Variants in TMOD2 observed in about 807,000 individuals in gnomAD.
TMOD2 encodes the protein tropomodulin 2, also known as tropomodulin-2.
In TMOD2, 22 loss-of-function variants were observed where a neutral mutation model predicts 39.9. The observed-to-expected ratio is 0.55, with a 90% CI of 0.39 to 0.79. The LOEUF is 0.79. Ranked by LOEUF, TMOD2 falls within the 30% of genes least tolerant of loss-of-function variation. TMOD2 has a pLI of 0.00. For missense variants in TMOD2, 386 were observed against 413.3 expected (o/e 0.93, Z 0.57); for synonymous variants, 123 against 146.1 (o/e 0.84, Z 1.14).
intron 7 of TMOD2, among the ~76,000 whole-genome samples, chr15:51,787,658 G>T (rs1002246802): frequency 6.6e-6 from 1 of 152,206 alleles, no homozygotes; most frequent in African/African-American, 2.4e-5. Context: ...TTCCAGAGGA[G>T]GGATCAGACA....
chr15:51,760,319 G>A (rs2055772006), intron 1 of TMOD2, among the ~76,000 whole-genome samples: 1 of 152,184 alleles, frequency 6.6e-6, no homozygotes, highest in Non-Finnish European at 1.5e-5. Flanking sequence ...GGCCCTAGGG[G>A]AGAATCCATG....
intron 7 of TMOD2, among the ~76,000 whole-genome samples, chr15:51,795,115 T>G (rs1046182276): frequency 6.6e-6 from 1 of 152,152 alleles, no homozygotes; most frequent in African/African-American, 2.4e-5. Flanking sequence ...ATTTCACTTG[T>G]CTGTTCACTT....
At chr15:51,777,232 C>T (rs1347697496) in intron 5 of TMOD2, among the ~76,000 whole-genome samples, 2 of 152,114 alleles carry the variant, frequency 1.3e-5, no homozygotes, top group African/African-American at 4.8e-5. Flanking sequence ...GCCCAGAACA[C>T]TTTCTTGGTA....
intron 8 of TMOD2, among the ~76,000 whole-genome samples, chr15:51,802,394 A>G (rs1487250184): frequency 1.3e-5 from 2 of 152,240 alleles, no homozygotes; most frequent in African/African-American, 4.8e-5. Context: ...ATTACAGTTG[A>G]CGTCTATATA....
intron 7 of TMOD2, among the ~76,000 whole-genome samples, chr15:51,792,885 G>A (rs138218186): frequency 0.014 from 2,177 of 152,152 alleles, 84 homozygotes; most frequent in Admixed American, 0.071. Flanking sequence ...CTAGGGGAGG[G>A]ATAACATTAG....
At chr15:51,778,811 C>T (rs1016063909) in intron 5 of TMOD2, among the ~76,000 whole-genome samples, 1 of 151,980 alleles carries the variant, frequency 6.6e-6, no homozygotes, top group African/African-American at 2.4e-5. Context: ...TGTGCCACCA[C>T]ACCCAACTAA....
In TMOD2 at chr15:51,790,717, CAT is replaced by C. The variant is rs560004205; in HGVS notation, c.733-7478_733-7477del. On this transcript the variant is annotated intron_variant, in intron 7 of 9. Transcript: ENST00000249700. ...GGTTCAACATACGCAAATCAATAAACATAATCCATCACATAAACAAAACCAAC... is the reference window on the plus strand; with the variant it reads ...GGTTCAACATACGCAAATCAATAAACAATCCATCACATAAACAAAACCAAC... 4.9e-4 allele frequency among the ~76,000 whole-genome samples: 75 copies of C among 152,270 alleles called. 1 individual carries two copies. The highest frequency in any genetic ancestry group is 1.8e-3 in the African/African-American group (75 of 41,572).
intron 3 of TMOD2, 52 bp from the exon 4 acceptor site, chr15:51,773,660 C>T: frequency 6.5e-7 from 1 of 1,545,318 alleles, no homozygotes; most frequent in Non-Finnish European, 8.7e-7. Flanking sequence ...TCTACTTACC[C>T]TACCAATAAG....
intron 9 of TMOD2, 39 bp from the exon 10 acceptor site, chr15:51,808,381 C>T (rs749479890): frequency 3.2e-6 from 5 of 1,559,108 alleles, no homozygotes; most frequent in African/African-American, 1.4e-5. Flanking sequence ...AAGGAATATC[C>T]CTTCAATTTG....
chr15:51,792,025 C>T (rs570600325), intron 7 of TMOD2, among the ~76,000 whole-genome samples: 4 of 152,292 alleles, frequency 2.6e-5, no homozygotes, highest in African/African-American at 7.2e-5. Flanking sequence ...TCTAATTAAA[C>T]TGAAGAGGTT....
intron 5 of TMOD2, 81 bp from the exon 6 acceptor site, chr15:51,780,963 G>A: frequency 8.4e-7 from 1 of 1,195,420 alleles, no homozygotes; most frequent in Non-Finnish European, 1.2e-6. Flanking sequence ...GCATATGAAA[G>A]AAATGTCATT....
intron 4 of TMOD2, among the ~76,000 whole-genome samples, chr15:51,774,209 A>G (rs1368875624): frequency 1.3e-5 from 2 of 152,204 alleles, no homozygotes; most frequent in Non-Finnish European, 2.9e-5. Flanking sequence ...TCCCACAGTC[A>G]TTGTTCCATT....
intron 7 of TMOD2, chr15:51,784,221 T>G (rs1018097379): frequency 6.6e-5 from 10 of 152,272 alleles, no homozygotes; most frequent in Non-Finnish European, 1.5e-4. Context: ...ACACAATGCC[T>G]GGCTGTCATA....
At chr15:51,796,719 C>T (rs547610777) in intron 7 of TMOD2, among the ~76,000 whole-genome samples, 1 of 152,172 alleles carries the variant, frequency 6.6e-6, no homozygotes. Flanking sequence ...AATATGGTCT[C>T]TCTCAAATAT....
intron 7 of TMOD2, among the ~76,000 whole-genome samples, chr15:51,785,758 A>T (rs1256882853): frequency 2.0e-5 from 3 of 152,126 alleles, no homozygotes; most frequent in African/African-American, 7.2e-5. Flanking sequence ...GTATTCAATA[A>T]TTTATTATAA....
At position 51,789,037 on chromosome 15, in the gene TMOD2, A is replaced by G. The variant is rs138250691; in HGVS notation, c.732+6209A>G. ...TTAGCCTTAAATGTAAATGGGCTAA[A>G]TGCCCCAGTTAAAAGACACAGACTG... On this transcript the variant is annotated intron_variant, in intron 7 of 9. Coordinates refer to ENST00000249700, the MANE Select transcript of TMOD2 (RefSeq NM_014548.4). Among the ~76,000 whole-genome samples, 422 of 152,366 alleles carry G rather than the reference A, an allele frequency of 2.8e-3. 14 individuals are homozygous for G. The East Asian group carries it at 0.056, about 20-fold the overall frequency.
chr15:51,804,554 C>T (rs17649208), intron 8 of TMOD2, among the ~76,000 whole-genome samples: 2,308 of 150,486 alleles, frequency 0.015, 82 homozygotes, highest in Admixed American at 0.072. Flanking sequence ...CAAGCCTGTA[C>T]GTTTTGTTTT....
At chr15:51,770,733 A>C (rs2055848124) in intron 3 of TMOD2, among the ~76,000 whole-genome samples, 1 of 152,184 alleles carries the variant, frequency 6.6e-6, no homozygotes, top group Admixed American at 6.5e-5. Context: ...TGAACCCAGG[A>C]GTTCAGGATT....
rs1270330983 is a variant in TMOD2, at chr15:51,808,772, T to C, written c.*318T>C. On this transcript the variant is annotated 3_prime_UTR_variant, in exon 10 of 10. Coordinates refer to ENST00000249700, the MANE Select transcript of TMOD2 (RefSeq NM_014548.4). ...CTTGCTTTCTTACATGAACTTGTTT[T>C]TTTAATCACTGAAAGGAATTTAGTG... is the stretch of plus-strand genomic sequence containing the variant. 2.4e-5 allele frequency: 6 copies of C among 251,204 alleles called. No homozygotes were observed. The highest frequency in any genetic ancestry group is 4.6e-5 in the Non-Finnish European group (6 of 129,366). 15.6% of individuals were successfully genotyped at this position (251,204 alleles called of 1,614,324 possible). A position where few individuals can be genotyped will look rare whatever the true frequency, so the allele number is the denominator to read the frequency against.
Sources: allele counts gnomAD v4.1 joint callset (sites outside exome capture counted in the v4.1 genomes callset), GRCh38; gene constraint gnomAD v4.1.1; transcripts MANE v1.5; gene names NCBI Gene and HGNC (gene_info 2026-07-23, HGNC 2026-07-21).